The following NPHP4 variants were observed in gnomAD, a reference collection of about 807,000 sequenced individuals.
NPHP4 encodes nephrocystin-4.
Under a neutral mutation model 155.8 loss-of-function variants are expected in NPHP4, and 151 were observed. The ratio of observed to expected loss-of-function variants is 0.97; its 90% CI spans 0.85 to 1.11. The LOEUF is 1.11. NPHP4 is among the 50% of genes least tolerant of loss of function. The probability of loss-of-function intolerance (pLI) is 0.00; values close to 1 mark genes in which losing one functional copy is unlikely to be tolerated. For synonymous variants in NPHP4, 845 were observed against 816.8 expected (o/e 1.03, Z -0.59); for missense variants, 1,956 against 1,925.7 (o/e 1.02, Z -0.29).
chr1:5,919,009 G>C (rs1490494459), intron 11 of NPHP4, among the ~76,000 whole-genome samples: 1 of 152,142 alleles, frequency 6.6e-6, no homozygotes, highest in Non-Finnish European at 1.5e-5. Context: ...TGCAAACTAT[G>C]GTCCACAGGT....
At chr1:5,893,605 G>A (rs192459570) in intron 16 of NPHP4, among the ~76,000 whole-genome samples, 6 of 152,326 alleles carry the variant, frequency 3.9e-5, no homozygotes, top group South Asian at 2.1e-4. Context: ...GACTAGGAGC[G>A]TGACCACTGA....
chr1:5,917,612 T>G (rs1645541888), intron 11 of NPHP4, among the ~76,000 whole-genome samples: 1 of 152,310 alleles, frequency 6.6e-6, no homozygotes, highest in East Asian at 1.9e-4. Flanking sequence ...GATTAATTCA[T>G]TCACTCTACA....
At chr1:5,971,336 A>G (rs1038858970) in intron 3 of NPHP4, among the ~76,000 whole-genome samples, 3 of 152,246 alleles carry the variant, frequency 2.0e-5, no homozygotes, top group African/African-American at 7.2e-5. Context: ...TCCATCTTTA[A>G]TCAGAAGAGT....
Position 5,933,422 on chromosome 1 carries a change from C to G in NPHP4, c.1120-93G>C, listed in dbSNP as rs535564943. ...CAGTGCTTTCATGTGTAAAATTCAA[C>G]GAGAGCTCAGTGTAGCAAGGGGCAG... On this transcript the variant is annotated intron_variant, in intron 9 of 29. Transcript: ENST00000378156. 7.1e-5 allele frequency: 75 copies of G among 1,049,006 alleles called. No homozygotes were observed. In the African/African-American group the frequency reaches 1.1e-3, roughly 16 times the overall value. The allele number at this position is 1,049,006 out of a possible 1,614,324, so 65.0% of individuals were successfully genotyped here. A position where few individuals can be genotyped will look rare whatever the true frequency, so the allele number is the denominator to read the frequency against.
At chr1:5,866,855 C>T (rs1187247694) in intron 25 of NPHP4, among the ~76,000 whole-genome samples, 175 bp downstream of exon 25, 1 of 152,160 alleles carries the variant, frequency 6.6e-6, no homozygotes, top group African/African-American at 2.4e-5. Flanking sequence ...AAAATAAAAA[C>T]ACACTCATAA....
chr1:5,869,142 G>A lies in NPHP4; in HGVS notation c.3316-1246C>T, dbSNP rs193025700. Reference sequence around the variant, plus strand: ...ACACACGCACAATGCACACATATCCGCCCACACATGCACACACACGCACCC... The same window carrying A: ...ACACACGCACAATGCACACATATCCACCCACACATGCACACACACGCACCC... On this transcript the variant is annotated intron_variant, in intron 23 of 29. Coordinates refer to ENST00000378156, the MANE Select transcript of NPHP4 (RefSeq NM_015102.5). 6.1e-3 allele frequency among the ~76,000 whole-genome samples: 617 copies of A among 101,384 alleles called. 3 individuals are homozygous for A. Among genetic ancestry groups the A allele is most frequent in the Middle Eastern group, 0.047 (5 of 106 alleles). The allele number at this position is 101,384 out of a possible 152,430, so 66.5% of individuals were successfully genotyped here. A position where few individuals can be genotyped will look rare whatever the true frequency, so the allele number is the denominator to read the frequency against.
At chr1:5,988,337 G>C (rs1020307479) in intron 1 of NPHP4, among the ~76,000 whole-genome samples, 1 of 152,178 alleles carries the variant, frequency 6.6e-6, no homozygotes, top group African/African-American at 2.4e-5. Flanking sequence ...GGCAACACAA[G>C]GCAACAGACT....
chr1:5,958,395 A>AT (rs753951517), intron 6 of NPHP4, among the ~76,000 whole-genome samples: 3 of 152,122 alleles, frequency 2.0e-5, no homozygotes, highest in Admixed American at 6.5e-5. Flanking sequence ...TCTACAAAAC[A>AT]TACAAAAATT....
At position 5,973,659 on chromosome 1, in the gene NPHP4, A is replaced by G. The variant is rs114976363; in HGVS notation, c.280-4400T>C. On this transcript the variant is annotated intron_variant, in intron 3 of 29. Transcript: ENST00000378156. ...AAAATTGACAAACTTACAGCTTTCC[A>G]TTGTCCCCAGATGACTGACAGTTCA... Among the ~76,000 whole-genome samples the G allele has an allele frequency of 3.6e-3, 541 of 152,338 alleles. 2 individuals are homozygous for G. Among genetic ancestry groups the G allele is most frequent in the African/African-American group, 0.012 (499 of 41,566 alleles).
chr1:5,979,951 A>G (rs1412445367), intron 2 of NPHP4, among the ~76,000 whole-genome samples: 1 of 152,126 alleles, frequency 6.6e-6, no homozygotes, highest in Non-Finnish European at 1.5e-5. Flanking sequence ...CATGAAAACC[A>G]ACCCGTCCAG....
intron 16 of NPHP4, among the ~76,000 whole-genome samples, chr1:5,895,588 C>A (rs1045501890): frequency 2.6e-5 from 4 of 152,130 alleles, no homozygotes; most frequent in Admixed American, 2.0e-4. Context: ...CCGTTAACGC[C>A]CCATTTTGAC....
rs1643978658 is a variant in NPHP4 at position 5,889,111 on chromosome 1, CAACGTGT to C, written c.2305-1652_2305-1646del. 7.2e-5 allele frequency among the ~76,000 whole-genome samples: 11 copies of C among 152,198 alleles called. No individual in the cohort carries two copies. The highest frequency in any genetic ancestry group is 7.2e-4 in the Admixed American group (11 of 15,284). ...GAGGAAACTCTTCTCATCGTCGTAGCAACGTGTTACGGCCAGCACCCCCAGGAAATCA... is the reference window on the plus strand; with the variant it reads ...GAGGAAACTCTTCTCATCGTCGTAGCTACGGCCAGCACCCCCAGGAAATCA... On this transcript the variant is annotated intron_variant, in intron 17 of 29. Coordinates refer to ENST00000378156, the MANE Select transcript of NPHP4 (RefSeq NM_015102.5). The surrounding 1 kb of genome is among the most constrained non-coding windows in gnomAD (Gnocchi z 4.2).
chr1:5,980,035 G>A (rs537688965), intron 2 of NPHP4, among the ~76,000 whole-genome samples: 6 of 152,128 alleles, frequency 3.9e-5, no homozygotes, highest in African/African-American at 1.4e-4. Context: ...GTCTCTCAGG[G>A]TCAGTGACCA....
At chr1:5,897,687 T>A (rs1017883617) in intron 16 of NPHP4, among the ~76,000 whole-genome samples, 1 of 152,110 alleles carries the variant, frequency 6.6e-6, no homozygotes, top group Non-Finnish European at 1.5e-5. Flanking sequence ...ATTAAAGTGA[T>A]AATTACAAAT....
In NPHP4 at chr1:5,877,272, G is replaced by A; in HGVS notation, c.2638C>T (p.Leu880=). Residue 880 remains leucine, a synonymous_variant, in exon 20 of 30, where the codon CTG becomes TTG. Transcript: ENST00000378156. ...GCCAGCTCACTGTCCACGTCCGCCAGCTTCTGTGCTTGCACCACGTGTTTT... is the reference window on the plus strand; with the variant it reads ...GCCAGCTCACTGTCCACGTCCGCCAACTTCTGTGCTTGCACCACGTGTTTT... ...RRKHVVQAQK[L]ADVDSELAAM... is the part of the protein sequence containing the mutation. 3 of 1,601,998 alleles carry A rather than the reference G, an allele frequency of 1.9e-6. No homozygotes were observed. Among genetic ancestry groups the A allele is most frequent in the Non-Finnish European group, 2.6e-6 (3 of 1,170,832 alleles).
At chr1:5,989,890 T>C (rs1344633815) in intron 1 of NPHP4, among the ~76,000 whole-genome samples, 1 of 152,148 alleles carries the variant, frequency 6.6e-6, no homozygotes, top group Non-Finnish European at 1.5e-5. Context: ...CCTGCTGTAC[T>C]AGGAGGGCAG....
At position 5,910,386 on chromosome 1, in the gene NPHP4, C is replaced by G. The variant is rs1010862823; in HGVS notation, c.1442-1173G>C. Among the ~76,000 whole-genome samples the G allele has an allele frequency of 6.6e-5, 10 of 152,180 alleles. No homozygotes were observed. The highest frequency in any genetic ancestry group is 3.9e-4 in the Admixed American group (6 of 15,284). On this transcript the variant is annotated intron_variant, in intron 11 of 29. Transcript: ENST00000378156. This position sits in a 1 kb window ranked among gnomAD's most constrained non-coding sequence, Gnocchi z 5.4. ...GGATAACCCAGACCTCCGGAGAAAT[C>G]AGGCTTCCCCCATGGCCCTGTCCCA...
chr1:5,879,842 CAG>C (rs369276624), intron 19 of NPHP4, among the ~76,000 whole-genome samples: 19 of 108,768 alleles, frequency 1.7e-4, no homozygotes, highest in African/African-American at 4.3e-4. Flanking sequence ...CAAACACACA[CAG>C]ACACGCACAC....
intron 25 of NPHP4, 83 bp from the exon 26 acceptor site, chr1:5,866,541 G>C: frequency 7.6e-6 from 6 of 787,134 alleles, no homozygotes; most frequent in Admixed American, 2.0e-5. Flanking sequence ...ACTAATACAC[G>C]CAGCGAGTGA....
Sources: allele counts gnomAD v4.1 joint callset (sites outside exome capture counted in the v4.1 genomes callset), GRCh38; gene constraint gnomAD v4.1.1; non-coding constraint Gnocchi (gnomAD v3.1); transcripts MANE v1.5; gene names NCBI Gene and HGNC (gene_info 2026-07-23, HGNC 2026-07-21).